The following MAGI3 variants were observed in gnomAD, a reference collection of about 807,000 sequenced individuals.
MAGI3 encodes membrane associated guanylate kinase, WW and PDZ domain containing 3.
A neutral mutation model predicts 121.8 loss-of-function variants in MAGI3; 43 were observed. That is an observed-to-expected ratio of 0.35 (90% CI 0.28 to 0.46). MAGI3 has a LOEUF of 0.46. Among genes scored for constraint, MAGI3 ranks in the 20% least tolerant of loss-of-function variants. The probability of loss-of-function intolerance (pLI) is 1.00; values close to 1 mark genes in which losing one functional copy is unlikely to be tolerated. For synonymous variants in MAGI3, 553 were observed against 639.3 expected (o/e 0.86, Z 2.04); for missense variants, 1,547 against 1,797.3 (o/e 0.86, Z 2.52).
chr1:113,662,042 T>G (rs78562194), intron 16 of MAGI3, among the ~76,000 whole-genome samples: 3,265 of 152,300 alleles, frequency 0.021, 116 homozygotes, highest in African/African-American at 0.074. Context: ...AATGAATATT[T>G]ATAACTCTAA....
At position 113,422,540 on chromosome 1, in the gene MAGI3, C is replaced by A. The variant is rs1045916988; in HGVS notation, c.316+31191C>A. Among the ~76,000 whole-genome samples, 10 of 152,346 alleles carry A rather than the reference C, an allele frequency of 6.6e-5. No homozygotes were observed. Among genetic ancestry groups the A allele is most frequent in the African/African-American group, 2.4e-4 (10 of 41,580 alleles). ...GAGCGAGTGTGGGGTCTGGCCACTG[C>A]GCACAGACAGGCATGCCAGCTGCTG... is the stretch of plus-strand genomic sequence containing the variant. On this transcript the variant is annotated intron_variant, in intron 1 of 20. Coordinates refer to ENST00000307546, the MANE Select transcript of MAGI3 (RefSeq NM_001142782.2). This position sits in a 1 kb window ranked among gnomAD's most constrained non-coding sequence, Gnocchi z 4.3.
chr1:113,648,803 G>A (rs1171732424), intron 12 of MAGI3, among the ~76,000 whole-genome samples: 1 of 152,170 alleles, frequency 6.6e-6, no homozygotes, highest in African/African-American at 2.4e-5. Flanking sequence ...GTATTAGCTT[G>A]AGAGCAGGAA....
intron 9 of MAGI3, among the ~76,000 whole-genome samples, chr1:113,634,845 T>C (rs1328384153): frequency 6.6e-6 from 1 of 152,184 alleles, no homozygotes; most frequent in Non-Finnish European, 1.5e-5. Context: ...TTTCACGATA[T>C]TGATTCTTCC....
intron 3 of MAGI3, 111 bp downstream of exon 3, chr1:113,580,772 T>C (rs142519412): frequency 0.013 from 14,357 of 1,084,852 alleles, 129 homozygotes; most frequent in Non-Finnish European, 0.015. Context: ...CTTTTTTTCC[T>C]CTCTGTTTTT....
At chr1:113,549,008 C>T (rs1263590878) in intron 1 of MAGI3, among the ~76,000 whole-genome samples, 2 of 152,108 alleles carry the variant, frequency 1.3e-5, no homozygotes, top group Non-Finnish European at 2.9e-5. Context: ...ATGGTGCCTT[C>T]TACAATAGGG....
At chr1:113,549,888 G>A (rs1659693904) in intron 2 of MAGI3, among the ~76,000 whole-genome samples, 1 of 151,780 alleles carries the variant, frequency 6.6e-6, no homozygotes, top group Admixed American at 6.6e-5. Context: ...GGAGGCCGAG[G>A]TGGGTGGACT....
chr1:113,524,179 G>GC (rs2101630863), intron 1 of MAGI3, among the ~76,000 whole-genome samples: 1 of 152,334 alleles, frequency 6.6e-6, no homozygotes, highest in East Asian at 1.9e-4. Flanking sequence ...GGATGTCCAG[G>GC]CAGAAGTTTG....
chr1:113,490,712 C>T (rs1176182678), intron 1 of MAGI3, among the ~76,000 whole-genome samples: 1 of 152,120 alleles, frequency 6.6e-6, no homozygotes, highest in East Asian at 1.9e-4. Context: ...CAGAAAAAAG[C>T]AGGGGTTGCA....
chr1:113,453,454 A>G (rs72997061), intron 1 of MAGI3, among the ~76,000 whole-genome samples: 115 of 152,278 alleles, frequency 7.6e-4, no homozygotes, highest in African/African-American at 2.6e-3. Context: ...CAAAACATTT[A>G]TCTGTTTTCA....
At chr1:113,513,282 A>G (rs1244325756) in intron 1 of MAGI3, among the ~76,000 whole-genome samples, 1 of 152,202 alleles carries the variant, frequency 6.6e-6, no homozygotes, top group East Asian at 1.9e-4. Context: ...ACTACTTTAA[A>G]GTTCATATGG....
At chr1:113,551,505 C>G (rs750123926) in intron 2 of MAGI3, among the ~76,000 whole-genome samples, 1 of 152,130 alleles carries the variant, frequency 6.6e-6, no homozygotes, top group Non-Finnish European at 1.5e-5. Context: ...TTTTTTTAAT[C>G]TGCCTCCTTA....
intron 12 of MAGI3, 31 bp from the exon 13 acceptor site, chr1:113,649,206 C>T: frequency 2.0e-6 from 3 of 1,507,568 alleles, no homozygotes; most frequent in Non-Finnish European, 2.7e-6. Context: ...TAAAATAAAT[C>T]ATAGTATTTA....
intron 1 of MAGI3, among the ~76,000 whole-genome samples, chr1:113,476,110 T>C (rs542443359): frequency 6.6e-6 from 1 of 152,144 alleles, no homozygotes; most frequent in Non-Finnish European, 1.5e-5. Flanking sequence ...TATTTGATTC[T>C]TTTTTTCTTT....
intron 1 of MAGI3, among the ~76,000 whole-genome samples, chr1:113,511,291 A>C (rs1657602963): frequency 6.6e-6 from 1 of 152,230 alleles, no homozygotes. Context: ...TGAAATATAA[A>C]ATCTTGTTAT....
chr1:113,602,517 ATC>A (rs1649469111), intron 6 of MAGI3, among the ~76,000 whole-genome samples: 1 of 152,236 alleles, frequency 6.6e-6, no homozygotes, highest in African/African-American at 2.4e-5. Flanking sequence ...AGTCTGAAAG[ATC>A]ACAAATTGAC....
chr1:113,496,936 A>G (rs941285713), intron 1 of MAGI3, among the ~76,000 whole-genome samples: 1 of 152,138 alleles, frequency 6.6e-6, no homozygotes, highest in Admixed American at 6.5e-5. Context: ...CTTGCATATT[A>G]TATTATCTAG....
chr1:113,640,964 A>G (rs2101820806), intron 9 of MAGI3, among the ~76,000 whole-genome samples: 1 of 136,886 alleles, frequency 7.3e-6, no homozygotes, highest in East Asian at 2.0e-4. Flanking sequence ...TATTAAATAT[A>G]TATATGATAT....
At chr1:113,444,597 T>C (rs1266582641) in intron 1 of MAGI3, among the ~76,000 whole-genome samples, 2 of 151,890 alleles carry the variant, frequency 1.3e-5, no homozygotes, top group African/African-American at 4.8e-5. Context: ...AAACAATAAA[T>C]AGAAATAACA....
intron 19 of MAGI3, among the ~76,000 whole-genome samples, chr1:113,680,620 G>C (rs987587918): frequency 3.3e-5 from 5 of 152,074 alleles, no homozygotes; most frequent in Admixed American, 6.5e-5. Flanking sequence ...AGCCGGGCGT[G>C]GTGGCGGGCG....
Sources: gnomAD v4.1 joint callset for allele counts (sites outside exome capture counted in the v4.1 genomes callset) on GRCh38, gnomAD v4.1.1 for gene constraint, Gnocchi (gnomAD v3.1) non-coding constraint, MANE v1.5 for transcripts, NCBI Gene and HGNC (gene_info 2026-07-23, HGNC 2026-07-21) for gene names.